SYN3: variants seen among roughly 807,000 people sequenced by gnomAD.
The protein encoded by SYN3 is synapsin-3.
A neutral mutation model predicts 65.8 loss-of-function variants in SYN3; 35 were observed. The observed-to-expected ratio is 0.53, with a 90% confidence interval of 0.41 to 0.70. The LOEUF (loss-of-function observed/expected upper bound fraction) is 0.70, where lower values mean the gene tolerates loss of function less well. Ranked by LOEUF, SYN3 falls within the 30% of genes least tolerant of loss-of-function variation. The probability of loss-of-function intolerance (pLI) is 0.00; values close to 1 mark genes in which losing one functional copy is unlikely to be tolerated. For missense variants in SYN3, 680 were observed against 749.0 expected (o/e 0.91, Z 1.08); for synonymous variants, 270 against 292.9 (o/e 0.92, Z 0.80).
intron 6 of SYN3, among the ~76,000 whole-genome samples, chr22:32,613,309 GAATA>G (rs1201874767): frequency 6.6e-6 from 1 of 151,894 alleles, no homozygotes; most frequent in Admixed American, 6.6e-5. Flanking sequence ...AAATAAATAT[GAATA>G]AATAAATATT....
chr22:32,554,013 C>A (rs190914440), intron 7 of SYN3, among the ~76,000 whole-genome samples: 1 of 152,324 alleles, frequency 6.6e-6, no homozygotes, highest in Non-Finnish European at 1.5e-5. Flanking sequence ...CCTCACTGGA[C>A]CATCGCCATC....
intron 1 of SYN3, among the ~76,000 whole-genome samples, chr22:33,034,440 G>C (rs913234303): frequency 1.3e-5 from 2 of 151,788 alleles, no homozygotes; most frequent in Non-Finnish European, 1.5e-5. Context: ...TAGAGACGGG[G>C]TTTCACGATG....
intron 9 of SYN3, among the ~76,000 whole-genome samples, chr22:32,537,177 T>A (rs1000974725): frequency 1.3e-5 from 2 of 151,826 alleles, no homozygotes; most frequent in Non-Finnish European, 2.9e-5. Context: ...CTTTTTTTTT[T>A]AAACAGAGTT....
chr22:32,664,516 T>TTAGTGGTG (rs1255621014), intron 6 of SYN3, among the ~76,000 whole-genome samples: 4 of 151,498 alleles, frequency 2.6e-5, no homozygotes, highest in African/African-American at 9.7e-5. Flanking sequence ...AATGAGTCCT[T>TTAGTGGTG]TAGTGGTGAT....
intron 6 of SYN3, among the ~76,000 whole-genome samples, chr22:32,752,302 T>C (rs2045152822): frequency 6.6e-6 from 1 of 152,128 alleles, no homozygotes; most frequent in African/African-American, 2.4e-5. Flanking sequence ...GCTGTGTTTC[T>C]GGTCACTGAC....
intron 6 of SYN3, among the ~76,000 whole-genome samples, chr22:32,643,563 G>GGGAGGGGGGA (rs2059936859): frequency 8.9e-6 from 1 of 112,364 alleles, no homozygotes; most frequent in Non-Finnish European, 1.8e-5. Context: ...GGGGCGGGGG[G>GGGAGGGGGGA]GGCAGAACAG....
intron 2 of SYN3, among the ~76,000 whole-genome samples, chr22:32,991,367 A>ATAATAATAATAATAG (rs2052712723): frequency 6.7e-6 from 1 of 149,124 alleles, no homozygotes; most frequent in Non-Finnish European, 1.5e-5. Context: ...AATAATAATA[A>ATAATAATAATAATAG]TAATAGTAAT....
At chr22:32,671,954 C>A (rs1205770633) in intron 6 of SYN3, among the ~76,000 whole-genome samples, 1 of 152,274 alleles carries the variant, frequency 6.6e-6, no homozygotes, top group African/African-American at 2.4e-5. Context: ...GTGTCCCTCA[C>A]AAGTTGTCAG....
At chr22:32,812,502 G>A (rs183716593) in intron 6 of SYN3, among the ~76,000 whole-genome samples, 1 of 152,314 alleles carries the variant, frequency 6.6e-6, no homozygotes, top group East Asian at 1.9e-4. Context: ...CACTGATTGT[G>A]GGAGGGCTTG....
chr22:32,611,284 G>GTTTTTTTTTTTTT (rs1201383074), intron 6 of SYN3, among the ~76,000 whole-genome samples: 11 of 94,536 alleles, frequency 1.2e-4, no homozygotes, highest in East Asian at 2.9e-4. Flanking sequence ...TTTTTTTTTT[G>GTTTTTTTTTTTTT]TTTTTTTTTT....
chr22:32,540,432 C>T (rs1488744571), intron 8 of SYN3, among the ~76,000 whole-genome samples: 29 of 152,172 alleles, frequency 1.9e-4, no homozygotes, highest in Non-Finnish European at 1.5e-5. Context: ...GATATGGAGC[C>T]CTGCACACAG....
At chr22:32,863,278 T>C (rs2048598027) in intron 6 of SYN3, among the ~76,000 whole-genome samples, 1 of 152,230 alleles carries the variant, frequency 6.6e-6, no homozygotes. Flanking sequence ...CTAGTTCTGC[T>C]GAATCTGGAT....
At chr22:32,693,811 C>T (rs5749492) in intron 6 of SYN3, among the ~76,000 whole-genome samples, 2 of 151,520 alleles carry the variant, frequency 1.3e-5, no homozygotes, top group South Asian at 2.1e-4. Context: ...AGGCTGGTCT[C>T]GAACTCCTGA....
intron 3 of SYN3, among the ~76,000 whole-genome samples, chr22:32,957,357 C>T (rs1460933029): frequency 2.0e-5 from 3 of 152,262 alleles, no homozygotes; most frequent in South Asian, 2.1e-4. Flanking sequence ...GAGGCCTGGC[C>T]GGACTTGTGC....
intron 12 of SYN3, among the ~76,000 whole-genome samples, chr22:32,521,543 G>A (rs2069598787): frequency 1.3e-5 from 2 of 151,020 alleles, no homozygotes; most frequent in Admixed American, 6.6e-5. Flanking sequence ...TGTCTCCTGG[G>A]TTAAGAGATT....
chr22:32,867,828 G>T lies in SYN3; in HGVS notation c.621+1138C>A, dbSNP rs139889272. 5.1e-3 allele frequency among the ~76,000 whole-genome samples: 783 copies of T among 152,248 alleles called. 5 individuals carry two copies. Among genetic ancestry groups the T allele is most frequent in the Middle Eastern group, 0.017 (5 of 294 alleles). Reference sequence around the variant, plus strand: ...GATCTCTTGATCTCGTGATACACCCGCCTCGGCCTCCCAAAGTGCTGGGAT... The same window carrying T: ...GATCTCTTGATCTCGTGATACACCCTCCTCGGCCTCCCAAAGTGCTGGGAT... On this transcript the variant is annotated intron_variant, in intron 5 of 13. Transcript: ENST00000358763.
chr22:33,034,158 C>G (rs925938313), intron 1 of SYN3, among the ~76,000 whole-genome samples: 2 of 149,822 alleles, frequency 1.3e-5, no homozygotes, highest in Non-Finnish European at 3.0e-5. Flanking sequence ...TGCTCTCCAA[C>G]CTAGGTGACA....
rs1316570340 is a variant in SYN3 at position 33,058,381 on chromosome 22, T to C, written c.-252A>G. The C allele has an allele frequency of 6.6e-6, 1 of 151,322 alleles. No homozygotes were observed. Among genetic ancestry groups the C allele is most frequent in the Non-Finnish European group, 1.5e-5 (1 of 67,796 alleles). 9.4% of individuals were successfully genotyped at this position (151,322 alleles called of 1,614,324 possible). On this transcript the variant is annotated 5_prime_UTR_variant, in exon 1 of 14. Transcript: ENST00000358763. ...CTCCGGGTCCCGGGAGCTCAGCCTCTGCCCCTCAACGCGCGCGAGCGCCCC... is the reference window on the plus strand; with the variant it reads ...CTCCGGGTCCCGGGAGCTCAGCCTCCGCCCCTCAACGCGCGCGAGCGCCCC...
intron 7 of SYN3, among the ~76,000 whole-genome samples, chr22:32,571,582 C>T (rs750160425): frequency 1.3e-5 from 2 of 152,146 alleles, no homozygotes; most frequent in South Asian, 2.1e-4. Context: ...TGACCTATGG[C>T]GATGGTACCT....
Sources: gnomAD v4.1 joint callset for allele counts (sites outside exome capture counted in the v4.1 genomes callset) on GRCh38, gnomAD v4.1.1 for gene constraint, MANE v1.5 for transcripts, NCBI Gene and HGNC (gene_info 2026-07-23, HGNC 2026-07-21) for gene names.